TBC1D22A: variants seen among roughly 807,000 people sequenced by gnomAD.
TBC1D22A encodes the protein TBC1 domain family member 22A.
A neutral mutation model predicts 60.2 loss-of-function variants in TBC1D22A; 38 were observed. The ratio of observed to expected loss-of-function variants is 0.63; its 90% CI spans 0.49 to 0.83. The LOEUF (loss-of-function observed/expected upper bound fraction) is 0.83, where lower values mean the gene tolerates loss of function less well. Ranked by LOEUF, TBC1D22A falls within the 40% of genes least tolerant of loss-of-function variation. The pLI is 0.00. For synonymous variants in TBC1D22A, 302 were observed against 281.7 expected (o/e 1.07, Z -0.72); for missense variants, 628 against 701.0 (o/e 0.90, Z 1.18).
chr22:47,121,163 A>T (rs529786251), intron 12 of TBC1D22A, among the ~76,000 whole-genome samples: 75 of 152,368 alleles, frequency 4.9e-4, no homozygotes, highest in African/African-American at 1.8e-3. Flanking sequence ...TCTTCCAATC[A>T]TTAGTAAAGA....
chr22:46,830,366 T>G (rs2086259038), intron 4 of TBC1D22A, among the ~76,000 whole-genome samples: 1 of 152,172 alleles, frequency 6.6e-6, no homozygotes, highest in Non-Finnish European at 1.5e-5. Flanking sequence ...AAATGACAGA[T>G]CAGTGATTGC....
intron 11 of TBC1D22A, among the ~76,000 whole-genome samples, chr22:47,093,681 C>T (rs968451911): frequency 9.2e-5 from 14 of 152,212 alleles, no homozygotes; most frequent in East Asian, 1.9e-4. Context: ...AACATGAAAA[C>T]GATCTGTCAT....
chr22:47,006,174 C>T (rs6009094), intron 10 of TBC1D22A, among the ~76,000 whole-genome samples: 4,982 of 152,242 alleles, frequency 0.033, 235 homozygotes, highest in African/African-American at 0.1. Context: ...ACATTTCCGT[C>T]GCTTGATGTG....
At chr22:47,065,386 A>G (rs189682173) in intron 11 of TBC1D22A, among the ~76,000 whole-genome samples, 55 of 152,342 alleles carry the variant, frequency 3.6e-4, no homozygotes, top group Non-Finnish European at 5.1e-4. Context: ...TGAAAAGCGA[A>G]GTTCCGAGAG....
chr22:46,831,352 C>A (rs752122073), intron 4 of TBC1D22A, among the ~76,000 whole-genome samples: 1 of 152,032 alleles, frequency 6.6e-6, no homozygotes, highest in African/African-American at 2.4e-5. Context: ...TTGTGGGAAC[C>A]GAGGCCCACA....
At chr22:47,086,420 A>G (rs1013002693) in intron 11 of TBC1D22A, among the ~76,000 whole-genome samples, 3 of 152,130 alleles carry the variant, frequency 2.0e-5, no homozygotes, top group Non-Finnish European at 4.4e-5. Context: ...GCGCCATTGC[A>G]CTCCAGCCTG....
At chr22:46,873,094 G>A (rs1310551182) in intron 4 of TBC1D22A, among the ~76,000 whole-genome samples, 5 of 152,168 alleles carry the variant, frequency 3.3e-5, no homozygotes, top group Non-Finnish European at 5.9e-5. Context: ...TGGGATATCT[G>A]GCATTCAATA....
intron 8 of TBC1D22A, among the ~76,000 whole-genome samples, chr22:46,923,065 T>C (rs1211951084): frequency 6.6e-6 from 1 of 152,204 alleles, no homozygotes; most frequent in Non-Finnish European, 1.5e-5. Context: ...GGGTTTGTCA[T>C]AATTGGCTCT....
At chr22:46,882,759 G>A (rs1313781778) in intron 5 of TBC1D22A, among the ~76,000 whole-genome samples, 1 of 152,202 alleles carries the variant, frequency 6.6e-6, no homozygotes, top group Non-Finnish European at 1.5e-5. Context: ...CATTTGTCCA[G>A]CTTAAAAAGG....
intron 5 of TBC1D22A, among the ~76,000 whole-genome samples, chr22:46,885,588 C>T (rs1052735617): frequency 3.9e-5 from 6 of 152,178 alleles, no homozygotes; most frequent in African/African-American, 1.2e-4. Flanking sequence ...AAGGTGCAGA[C>T]GGGTCTGGAT....
chr22:47,056,422 T>C (rs2063394619), intron 11 of TBC1D22A, among the ~76,000 whole-genome samples: 1 of 152,082 alleles, frequency 6.6e-6, no homozygotes, highest in African/African-American at 2.4e-5. Flanking sequence ...CTGAGCGATA[T>C]CCTTCAGAAT....
At chr22:46,877,019 T>TAAGATTTTATTTTGGA (rs1353358391) in intron 4 of TBC1D22A, among the ~76,000 whole-genome samples, 7 of 152,266 alleles carry the variant, frequency 4.6e-5, no homozygotes, top group African/African-American at 1.7e-4. Flanking sequence ...TTTGATCTAC[T>TAAGATTTTATTTTGGA]AAGATTTTAT....
chr22:46,909,780 C>T (rs1300937459), intron 7 of TBC1D22A, among the ~76,000 whole-genome samples: 2 of 152,134 alleles, frequency 1.3e-5, no homozygotes, highest in Non-Finnish European at 2.9e-5. Flanking sequence ...GGACCCGTGC[C>T]CCGTGCCTGC....
At chr22:46,944,675 G>A (rs2072416711) in intron 8 of TBC1D22A, among the ~76,000 whole-genome samples, 1 of 152,186 alleles carries the variant, frequency 6.6e-6, no homozygotes, top group Non-Finnish European at 1.5e-5. Flanking sequence ...TGGGATTATA[G>A]GCGTGAGCCA....
intron 11 of TBC1D22A, among the ~76,000 whole-genome samples, chr22:47,100,546 C>T (rs2065373450): frequency 6.6e-6 from 1 of 152,148 alleles, no homozygotes; most frequent in African/African-American, 2.4e-5. Flanking sequence ...GGGGGCAGGT[C>T]TTTCCCATGC....
At chr22:46,915,522 G>A (rs535082423) in intron 8 of TBC1D22A, 18 of 456,734 alleles carry the variant, frequency 3.9e-5, no homozygotes, top group African/African-American at 2.0e-4. Context: ...GCACTAGCCC[G>A]GGTGTGGCTA....
rs749407315 is a variant in TBC1D22A at position 47,037,205 on chromosome 22, T to C, written c.1329+7T>C. 1.9e-6 allele frequency: 3 copies of C among 1,613,040 alleles called. No individual in the cohort carries two copies. Among genetic ancestry groups the C allele is most frequent in the Admixed American group, 1.7e-5 (1 of 60,020 alleles). On this transcript the variant is annotated splice_region_variant and intron_variant, in intron 11 of 12. Coordinates refer to ENST00000337137, the MANE Select transcript of TBC1D22A (RefSeq NM_014346.5). ...CCTGTGGGACACCTACCAGGTGAGC[T>C]CTCCTTCGCACCCTCCGCCATGGGG...
chr22:46,941,691 C>CGGAATATATATAT (rs1569249104), intron 8 of TBC1D22A, among the ~76,000 whole-genome samples: 1,655 of 66,212 alleles, frequency 0.025, 175 homozygotes, highest in African/African-American at 0.14. Flanking sequence ...AATATATATA[C>CGGAATATATATAT]GCGGATTATA....
At chr22:47,159,412 A>G (rs1773132888) in intron 12 of TBC1D22A, among the ~76,000 whole-genome samples, 1 of 150,512 alleles carries the variant, frequency 6.6e-6, no homozygotes, top group Admixed American at 6.6e-5. Context: ...CTCACCATGT[A>G]TACACACAGA....
Sources: allele counts gnomAD v4.1 joint callset (sites outside exome capture counted in the v4.1 genomes callset), GRCh38; gene constraint gnomAD v4.1.1; transcripts MANE v1.5; gene names NCBI Gene and HGNC (gene_info 2026-07-23, HGNC 2026-07-21).